The following NSD2 variants were observed in gnomAD, a reference collection of about 807,000 sequenced individuals.
The protein encoded by NSD2 is nuclear receptor binding SET domain protein 2, also known as histone-lysine N-methyltransferase NSD2.
In NSD2, 12 loss-of-function variants were observed where a neutral mutation model predicts 139.0. The observed-to-expected ratio is 0.09, with a 90% CI of 0.06 to 0.14. The LOEUF (loss-of-function observed/expected upper bound fraction) is 0.14. Ranked by LOEUF, NSD2 falls within the 10% of genes least tolerant of loss-of-function variation. The probability of loss-of-function intolerance (pLI) is 1.00; values close to 1 mark genes in which losing one functional copy is unlikely to be tolerated. For missense variants in NSD2, 1,155 were observed against 1,745.0 expected (o/e 0.66, Z 6.02); for synonymous variants, 669 against 648.7 (o/e 1.03, Z -0.48).
At chr4:1,937,346 G>A (rs376808083) in intron 7 of NSD2, among the ~76,000 whole-genome samples, 33 of 152,216 alleles carry the variant, frequency 2.2e-4, no homozygotes, top group African/African-American at 7.5e-4. Context: ...GAGCCACTGC[G>A]GCTGGCCAGG....
chr4:1,953,186 A>G lies in NSD2; in HGVS notation c.2138-138A>G, dbSNP rs183341632. ...TGGAGAATGCTTGGACTAGTGAGCA[A>G]GGTTGGAAACAGGGCCAGGTGCTTT... On this transcript the variant is annotated intron_variant, in intron 11 of 21. Coordinates refer to ENST00000508803, the MANE Select transcript of NSD2 (RefSeq NM_001042424.3). 4 of 1,562,318 alleles carry G rather than the reference A, an allele frequency of 2.6e-6. No individual in the cohort carries two copies. In the African/African-American group the frequency reaches 5.4e-5, roughly 21 times the overall value.
chr4:1,960,592 A>G (rs1273446560), intron 17 of NSD2, among the ~76,000 whole-genome samples: 1 of 152,240 alleles, frequency 6.6e-6, no homozygotes, highest in African/African-American at 2.4e-5. Flanking sequence ...AGTTCCAGCA[A>G]CAGCACAAAA....
intron 1 of NSD2, among the ~76,000 whole-genome samples, chr4:1,895,809 T>C (rs1224493171): frequency 1.3e-5 from 2 of 152,182 alleles, no homozygotes; most frequent in Non-Finnish European, 2.9e-5. Flanking sequence ...GATTTAGCCT[T>C]CTTAGGCGGA....
At chr4:1,891,872 CAAAA>C (rs1182445540) in intron 1 of NSD2, among the ~76,000 whole-genome samples, 4 of 140,358 alleles carry the variant, frequency 2.8e-5, no homozygotes, top group Middle Eastern at 3.7e-3. Context: ...AAAAAAAAAA[CAAAA>C]AAAAACAAAC....
intron 9 of NSD2, among the ~76,000 whole-genome samples, chr4:1,949,019 G>A (rs1006913923): frequency 6.6e-6 from 1 of 152,260 alleles, no homozygotes; most frequent in African/African-American, 2.4e-5. Context: ...TTGGGCGACT[G>A]TGTGGGTGAC....
intron 5 of NSD2, among the ~76,000 whole-genome samples, chr4:1,930,092 G>A (rs912819129): frequency 1.3e-5 from 2 of 152,118 alleles, no homozygotes; most frequent in Admixed American, 6.5e-5. Context: ...GGGAAGCCTC[G>A]TCTTTTGGCT....
At chr4:1,872,626 G>GAGAGAGAC (rs1713936352) in intron 1 of NSD2, among the ~76,000 whole-genome samples, 1 of 145,368 alleles carries the variant, frequency 6.9e-6, no homozygotes. Context: ...GAGAGAGAGA[G>GAGAGAGAC]AGAGAGAGAG....
At position 1,959,626 on chromosome 4, in the gene NSD2, C is replaced by T. The variant is rs575615858; in HGVS notation, c.3141C>T (p.Pro1047=). The T allele has an allele frequency of 6.7e-5, 108 of 1,614,080 alleles. No individual in the cohort carries two copies. The highest frequency in any genetic ancestry group is 6.6e-4 in the Middle Eastern group (4 of 6,062). ...LMFECHPQVC[P]AGEFCQNQCF... ...TTGAGTGCCACCCGCAGGTGTGTCC[C>T]GCGGGCGAGTTCTGCCAGAACCAGT... The change falls in exon 17 of 22, where the codon CCC becomes CCT. Residue 1047 remains proline, a synonymous_variant. Transcript: ENST00000508803.
intron 17 of NSD2, among the ~76,000 whole-genome samples, chr4:1,960,098 ATCC>A (rs1725223096): frequency 6.6e-6 from 1 of 152,006 alleles, no homozygotes; most frequent in Non-Finnish European, 1.5e-5. Context: ...GCCCCAAACC[ATCC>A]TCCTGCCTAG....
chr4:1,981,575 T>C lies in NSD2; in HGVS notation c.*2666T>C. 2.9e-6 allele frequency: 1 copy of C among 345,338 alleles called. No individual in the cohort carries two copies. Among genetic ancestry groups the C allele is most frequent in the African/African-American group, 2.1e-5 (1 of 48,010 alleles). 21.4% of individuals were successfully genotyped at this position (345,338 alleles called of 1,614,324 possible). ...ATGTGTCCGAATGGGCAGCTTAAAA[T>C]GTGGTCACCTGTGGGGGAAACTCTT... is the stretch of plus-strand genomic sequence containing the variant. On this transcript the variant is annotated 3_prime_UTR_variant, in exon 22 of 22. Coordinates refer to ENST00000508803, the MANE Select transcript of NSD2 (RefSeq NM_001042424.3).
At chr4:1,966,757 A>G (rs946731610) in intron 18 of NSD2, among the ~76,000 whole-genome samples, 2 of 152,076 alleles carry the variant, frequency 1.3e-5, no homozygotes, top group African/African-American at 4.8e-5. Context: ...TGTTTTCTAT[A>G]TAATTTAAGC....
chr4:1,973,562 G>C lies in NSD2; in HGVS notation c.3373-1301G>C, dbSNP rs982279991. Among the ~76,000 whole-genome samples the C allele has an allele frequency of 1.8e-4, 28 of 152,372 alleles. No individual in the cohort carries two copies. Among genetic ancestry groups the C allele is most frequent in the African/African-American group, 5.5e-4 (23 of 41,602 alleles). On this transcript the variant is annotated intron_variant, in intron 18 of 21. Transcript: ENST00000508803. The surrounding 1 kb of genome is among the most constrained non-coding windows in gnomAD (Gnocchi z 5.5). ...TTAGTGCATTTTATTATTGTGAAAA[G>C]CATCTTGCAGAGAACCACATTCTGG... is the stretch of plus-strand genomic sequence containing the variant.
chr4:1,942,773 GA>G lies in NSD2; in HGVS notation c.1881+2999del. On this transcript the variant is annotated intron_variant, in intron 9 of 21. Coordinates refer to ENST00000508803, the MANE Select transcript of NSD2 (RefSeq NM_001042424.3). This position sits in a 1 kb window ranked among gnomAD's most constrained non-coding sequence, Gnocchi z 4.0. ...GTTTGTAACTTACTGGACTTTTGTGGAAAATATCAGCGTCGCTACCCTCAGA... is the reference window on the plus strand; with the variant it reads ...GTTTGTAACTTACTGGACTTTTGTGGAAATATCAGCGTCGCTACCCTCAGA... The G allele has an allele frequency of 9.2e-7, 1 of 1,082,100 alleles. No homozygotes were observed. The highest frequency in any genetic ancestry group is 1.1e-6 in the Non-Finnish European group (1 of 888,918). 67.0% of individuals were successfully genotyped at this position (1,082,100 alleles called of 1,614,324 possible). A position where few individuals can be genotyped will look rare whatever the true frequency, so the allele number is the denominator to read the frequency against.
chr4:1,925,452 G>A (rs1022712380), intron 5 of NSD2, among the ~76,000 whole-genome samples: 4 of 130,448 alleles, frequency 3.1e-5, no homozygotes, highest in South Asian at 2.5e-4. Context: ...AGGCTGGAGT[G>A]CGAAGGCGCC....
chr4:1,902,204 G>A (rs1717279659), intron 2 of NSD2, among the ~76,000 whole-genome samples: 1 of 152,068 alleles, frequency 6.6e-6, no homozygotes. Context: ...TCATGTAATG[G>A]CAGTGGTGAA....
rs774762006 is a variant in NSD2 at position 1,951,984 on chromosome 4, T to C, written c.2014-124T>C. 3.0e-5 allele frequency: 43 copies of C among 1,453,652 alleles called. 1 individual carries two copies. The highest frequency in any genetic ancestry group is 4.7e-5 in the Admixed American group (2 of 42,626). 90.0% of individuals were successfully genotyped at this position (1,453,652 alleles called of 1,614,324 possible). Reference sequence around the variant, plus strand: ...AGACGTTTGCCCATGCATGTTATTATATATCCTTGAGTAGCAAAATGGGAT... The same window carrying C: ...AGACGTTTGCCCATGCATGTTATTACATATCCTTGAGTAGCAAAATGGGAT... On this transcript the variant is annotated intron_variant, in intron 10 of 21. Transcript: ENST00000508803.
At chr4:1,903,839 A>G (rs1295184596) in intron 2 of NSD2, among the ~76,000 whole-genome samples, 1 of 148,684 alleles carries the variant, frequency 6.7e-6, no homozygotes, top group Non-Finnish European at 1.5e-5. Flanking sequence ...GGTTCACGCC[A>G]TTCTCCTGCC....
At chr4:1,910,961 G>A (rs947004102) in intron 3 of NSD2, among the ~76,000 whole-genome samples, 7 of 152,048 alleles carry the variant, frequency 4.6e-5, no homozygotes, top group African/African-American at 7.2e-5. Flanking sequence ...CTTGGCTTCC[G>A]CAGACACCTG....
At chr4:1,913,527 G>A (rs377029248) in intron 3 of NSD2, among the ~76,000 whole-genome samples, 11 of 152,338 alleles carry the variant, frequency 7.2e-5, no homozygotes, top group African/African-American at 2.6e-4. Context: ...GATAGCAATA[G>A]CAGAATTGGT....
Sources: gnomAD v4.1 joint callset for allele counts (sites outside exome capture counted in the v4.1 genomes callset) on GRCh38, gnomAD v4.1.1 for gene constraint, Gnocchi (gnomAD v3.1) non-coding constraint, MANE v1.5 for transcripts, NCBI Gene and HGNC (gene_info 2026-07-23, HGNC 2026-07-21) for gene names.